Variants in SH2B3 observed in about 807,000 individuals in gnomAD.
SH2B3 encodes the protein SH2B adaptor protein 3.
In SH2B3, 43 loss-of-function variants were observed where a neutral mutation model predicts 51.9. That is an observed-to-expected ratio of 0.83 (90% confidence interval 0.65 to 1.07). The LOEUF (loss-of-function observed/expected upper bound fraction) is 1.07. Ranked by LOEUF, SH2B3 falls within the 50% of genes least tolerant of loss-of-function variation. The pLI is 0.00. For synonymous variants in SH2B3, 396 were observed against 376.0 expected, an observed-to-expected ratio of 1.05 and a Z score of -0.62; for missense variants, 952 against 834.3, an observed-to-expected ratio of 1.14 and a Z score of -1.74.
chr12:111,422,370 A>T (rs1871625936), intron 2 of SH2B3, among the ~76,000 whole-genome samples: 2 of 152,170 alleles, frequency 1.3e-5, no homozygotes, highest in South Asian at 4.1e-4. Context: ...CTGATGACTC[A>T]TGGAGGTTAA....
Position 111,447,140 on chromosome 12 carries a change from A to G in SH2B3, c.942A>G (p.Glu314=). The G allele has an allele frequency of 6.2e-7, 1 of 1,613,950 alleles. No individual in the cohort carries two copies. Among genetic ancestry groups the G allele is most frequent in the Non-Finnish European group, 8.5e-7 (1 of 1,179,832 alleles). ...TCTCCAGCAGGCTGGAGAGCACAGA[A>G]GCAGAGATGCATATTCCCTCAGCCC... ...ECTGRGLEST[E]AEMHIPSALE... Residue 314 remains glutamate, a synonymous_variant, in exon 5 of 8, where the codon GAA becomes GAG. Transcript: ENST00000341259.
intron 1 of SH2B3, among the ~76,000 whole-genome samples, chr12:111,416,108 A>AT (rs1037890010): frequency 6.6e-6 from 1 of 151,508 alleles, no homozygotes; most frequent in Non-Finnish European, 1.5e-5. Context: ...CCCCCCGCTA[A>AT]TTTTTTTGTA....
At position 111,448,210 on chromosome 12, in the gene SH2B3, C is replaced by A. The variant is rs921916333; in HGVS notation, c.1636C>A (p.Pro546Thr). The change falls in exon 8 of 8, where the codon CCT becomes ACT. Residue 546 changes from proline (P) to threonine (T), a missense_variant. By Grantham distance (38) the Pro-to-Thr change is conservative (BLOSUM62 -1). Transcript: ENST00000341259. ...CAGCCTGCAGCACCTGGAGCATGAG[C>A]CTGTGAATCGAGCCCGGGACTCGGA... is the stretch of plus-strand genomic sequence containing the variant. ...ANSLQHLEHE[P>T]VNRARDSDYE... 6.2e-7 allele frequency: 1 copy of A among 1,614,060 alleles called. No individual in the cohort carries two copies. The highest frequency in any genetic ancestry group is 8.5e-7 in the Non-Finnish European group (1 of 1,180,040).
chr12:111,426,736 G>C (rs1175835367), intron 2 of SH2B3, among the ~76,000 whole-genome samples: 5 of 152,248 alleles, frequency 3.3e-5, no homozygotes, highest in South Asian at 4.1e-4. Context: ...CTGTGTGCCA[G>C]GTGTTGCCCT....
chr12:111,443,547 TGTAATTA>T (rs1873639849), intron 2 of SH2B3: 1 of 152,278 alleles, frequency 6.6e-6, no homozygotes, highest in Non-Finnish European at 1.5e-5. Flanking sequence ...GTCCCTGTCT[TGTAATTA>T]GTTAGGGTAG....
In SH2B3 at chr12:111,451,562, T is replaced by C. The variant is rs1287209925; in HGVS notation, c.*3260T>C. The C allele has an allele frequency of 6.5e-6, 1 of 152,690 alleles. No individual in the cohort carries two copies. The highest frequency in any genetic ancestry group is 1.5e-5 in the Non-Finnish European group (1 of 68,044). The allele number at this position is 152,690 out of a possible 1,614,324, so 9.5% of individuals were successfully genotyped here. A position where few individuals can be genotyped will look rare whatever the true frequency, so the allele number is the denominator to read the frequency against. ...GTACAAGTAACTTATTCTTGAATAATGCAAATTTTGCTATAATGTACAAAT... is the reference window on the plus strand; with the variant it reads ...GTACAAGTAACTTATTCTTGAATAACGCAAATTTTGCTATAATGTACAAAT... On this transcript the variant is annotated 3_prime_UTR_variant, in exon 8 of 8. Transcript: ENST00000341259.
rs1870353880 is a variant in SH2B3 at position 111,407,644 on chromosome 12, T to C, written c.-28+1367T>C. ...GAAGTTGGAAGGGTTTTTAGTGCAC[T>C]TTTCCTGAGCCTTTTCCCACTACCC... On this transcript the variant is annotated intron_variant, in intron 1 of 7. Coordinates refer to ENST00000341259, the MANE Select transcript of SH2B3 (RefSeq NM_005475.3). The surrounding 1 kb of genome is among the most constrained non-coding windows in gnomAD (Gnocchi z 4.3). 6.6e-6 allele frequency among the ~76,000 whole-genome samples: 1 copy of C among 152,166 alleles called. No homozygotes were observed. Among genetic ancestry groups the C allele is most frequent in the South Asian group, 2.1e-4 (1 of 4,836 alleles).
chr12:111,430,815 C>G (rs542735853), intron 2 of SH2B3, among the ~76,000 whole-genome samples: 2 of 152,268 alleles, frequency 1.3e-5, no homozygotes, highest in Non-Finnish European at 2.9e-5. Flanking sequence ...TGTTCCTACC[C>G]TGAAGGGCAG....
In SH2B3 at chr12:111,410,108, G is replaced by C. The variant is rs1870576426; in HGVS notation, c.-28+3831G>C. Among the ~76,000 whole-genome samples the C allele has an allele frequency of 6.6e-6, 1 of 152,304 alleles. No individual in the cohort carries two copies. The highest frequency in any genetic ancestry group is 2.1e-4 in the South Asian group (1 of 4,818). On this transcript the variant is annotated intron_variant, in intron 1 of 7. Transcript: ENST00000341259. The surrounding 1 kb of genome is among the most constrained non-coding windows in gnomAD (Gnocchi z 4.9). ...TGCCCAGGACATGTGTCCCCAGGGA[G>C]GCCTGGGAGGAAGGAAGTCTATGCC...
chr12:111,423,666 G>A (rs1309650059), intron 2 of SH2B3, among the ~76,000 whole-genome samples: 3 of 147,960 alleles, frequency 2.0e-5, no homozygotes, highest in African/African-American at 7.4e-5. Flanking sequence ...CACTGCGCCC[G>A]TCCAGGGTTC....
At chr12:111,425,337 G>A (rs1032521353) in intron 2 of SH2B3, among the ~76,000 whole-genome samples, 1 of 152,160 alleles carries the variant, frequency 6.6e-6, no homozygotes, top group African/African-American at 2.4e-5. Context: ...GGTCTCAGTG[G>A]CCACTGCAGG....
chr12:111,418,425 C>T lies in SH2B3; in HGVS notation c.280C>T (p.Arg94Cys), dbSNP rs1871258096. 1.4e-6 allele frequency: 2 copies of T among 1,465,648 alleles called. No individual in the cohort carries two copies. Among genetic ancestry groups the T allele is most frequent in the Middle Eastern group, 2.4e-4 (1 of 4,184 alleles). The allele number at this position is 1,465,648 out of a possible 1,614,324, so 90.8% of individuals were successfully genotyped here. A position where few individuals can be genotyped will look rare whatever the true frequency, so the allele number is the denominator to read the frequency against. ...GGGCCGCGACTACCGGGACACAGGCCGTGGGCCCCCAGCCAAGGCCGAGGC... is the reference window on the plus strand; with the variant it reads ...GGGCCGCGACTACCGGGACACAGGCTGTGGGCCCCCAGCCAAGGCCGAGGC... ...APGRDYRDTG[R>C]GPPAKAEASP... is the part of the protein sequence containing the mutation. Residue 94 changes from arginine to cysteine, a missense_variant, in exon 2 of 8, where the codon CGT (arginine) becomes TGT (cysteine). Arg to Cys is a radical substitution (Grantham distance 180). Transcript: ENST00000341259. The surrounding 1 kb of genome is among the most constrained non-coding windows in gnomAD (Gnocchi z 6.7).
Position 111,447,155 on chromosome 12 carries a change from T to TA in SH2B3, c.957_958insA (p.Pro320ThrfsTer7), listed in dbSNP as rs1874068275. The TA allele has an allele frequency of 6.2e-7, 1 of 1,613,916 alleles. No individual in the cohort carries two copies. Among genetic ancestry groups the TA allele is most frequent in the African/African-American group, 1.3e-5 (1 of 74,896 alleles). ...AGAGCACAGAAGCAGAGATGCATAT[T>TA]CCCTCAGCCCTAGAGCCTAGCACGT... On this transcript the variant is annotated frameshift_variant, in exon 5 of 8. Transcript: ENST00000341259. LOFTEE classifies it high-confidence loss of function.
chr12:111,404,973 T>A (rs962822211), upstream of SH2B3, among the ~76,000 whole-genome samples: 1 of 152,076 alleles, frequency 6.6e-6, no homozygotes, highest in Non-Finnish European at 1.5e-5. Context: ...CGTGGGCGAC[T>A]TGTTTCCTGT....
chr12:111,444,938 G>A, intron 2 of SH2B3: 1 of 932,354 alleles, frequency 1.1e-6, no homozygotes, highest in South Asian at 4.9e-5. Flanking sequence ...GGCTCTCAAG[G>A]GCTGCTGTGG....
Position 111,447,801 on chromosome 12 carries a change from A to C in SH2B3, c.1382A>C (p.Tyr461Ser), listed in dbSNP as rs1292972220. The change falls in exon 7 of 8, where the codon TAC (tyrosine) becomes TCC (serine). Residue 461 changes from tyrosine (Y) to serine (S), a missense_variant. Transcript: ENST00000341259. ...GAACDVRLSS[Y>S]VVVVSQPPGS... ...GCCTGTGATGTCCGGCTCTCCAGCT[A>C]CGTGGTAGTCGTCTCCCAACCACCA... is the stretch of plus-strand genomic sequence containing the variant. 3 of 1,614,086 alleles carry C rather than the reference A, an allele frequency of 1.9e-6. No homozygotes were observed. Among genetic ancestry groups the C allele is most frequent in the Non-Finnish European group, 2.5e-6 (3 of 1,179,988 alleles).
Position 111,447,709 on chromosome 12 carries a change from C to A in SH2B3, c.1290C>A (p.His430Gln), listed in dbSNP as rs932453291. 1.9e-6 allele frequency: 3 copies of A among 1,614,030 alleles called. No homozygotes were observed. Among genetic ancestry groups the A allele is most frequent in the Non-Finnish European group, 2.5e-6 (3 of 1,180,002 alleles). Reference sequence around the variant, plus strand: ...GCCAGTGCCGTGTGCAGCACCTCCACTTTCCCTCGGTCGTGGACATGCTCC... The same window carrying A: ...GCCAGTGCCGTGTGCAGCACCTCCAATTTCCCTCGGTCGTGGACATGCTCC... ...ERGQCRVQHL[H>Q]FPSVVDMLHH... The change falls in exon 7 of 8, where the codon CAC becomes CAA. Residue 430 changes from histidine (H) to glutamine (Q), a missense_variant. Physicochemically the swap from His to Gln is conservative, Grantham distance 24. Coordinates refer to ENST00000341259, the MANE Select transcript of SH2B3 (RefSeq NM_005475.3).
Position 111,406,019 on chromosome 12 carries a change from A to C in SH2B3, c.-286A>C, listed in dbSNP as rs1051025579. Reference sequence around the variant, plus strand: ...CCGCGGTGGCGACGGCGGCCGCTGCAAAGTTTCCCCGGCGGCGGCGGCCCG... The same window carrying C: ...CCGCGGTGGCGACGGCGGCCGCTGCCAAGTTTCCCCGGCGGCGGCGGCCCG... On this transcript the variant is annotated 5_prime_UTR_variant, in exon 1 of 8. Coordinates refer to ENST00000341259, the MANE Select transcript of SH2B3 (RefSeq NM_005475.3). The surrounding 1 kb of genome is among the most constrained non-coding windows in gnomAD (Gnocchi z 5.7). The C allele has an allele frequency of 3.3e-5, 5 of 151,590 alleles. No individual in the cohort carries two copies. Among genetic ancestry groups the C allele is most frequent in the Non-Finnish European group, 5.9e-5 (4 of 67,878 alleles). 9.4% of individuals were successfully genotyped at this position (151,590 alleles called of 1,614,324 possible). A position where few individuals can be genotyped will look rare whatever the true frequency, so the allele number is the denominator to read the frequency against.
chr12:111,443,948 T>G (rs971758287), intron 2 of SH2B3: 1 of 152,228 alleles, frequency 6.6e-6, no homozygotes, highest in African/African-American at 2.4e-5. Flanking sequence ...CCCAGCACTT[T>G]GGGAGGCCAA....
Sources: allele counts gnomAD v4.1 joint callset (sites outside exome capture counted in the v4.1 genomes callset), GRCh38; gene constraint gnomAD v4.1.1; non-coding constraint Gnocchi (gnomAD v3.1); transcripts MANE v1.5; gene names NCBI Gene and HGNC (gene_info 2026-07-23, HGNC 2026-07-21).